The following NKAIN3 variants were observed in gnomAD, a reference collection of about 807,000 sequenced individuals.
NKAIN3 encodes the protein sodium/potassium transporting ATPase interacting 3, also known as sodium/potassium-transporting ATPase subunit beta-1-interacting protein 3.
Under a neutral mutation model 30.2 loss-of-function variants are expected in NKAIN3, and 25 were observed. The ratio of observed to expected loss-of-function variants is 0.83; its 90% CI spans 0.60 to 1.16. The LOEUF (loss-of-function observed/expected upper bound fraction) is 1.16, where lower values mean the gene tolerates loss of function less well. Among genes scored for constraint, NKAIN3 ranks in the 50% most tolerant of loss-of-function variants. The probability of loss-of-function intolerance (pLI) is 0.00; values close to 1 mark genes in which losing one functional copy is unlikely to be tolerated. For synonymous variants in NKAIN3, 91 were observed against 89.6 expected (o/e 1.02, Z -0.09); for missense variants, 225 against 254.1 (o/e 0.89, Z 0.78).
At chr8:62,753,238 G>A (rs897557228) in intron 4 of NKAIN3, among the ~76,000 whole-genome samples, 13 of 120,048 alleles carry the variant, frequency 1.1e-4, no homozygotes, top group South Asian at 2.7e-4. Flanking sequence ...ACACACGCAC[G>A]CACGCACAGT....
intron 4 of NKAIN3, among the ~76,000 whole-genome samples, chr8:62,838,678 T>C (rs939543025): frequency 6.6e-6 from 1 of 152,114 alleles, no homozygotes; most frequent in Non-Finnish European, 1.5e-5. Context: ...ACACAATTAT[T>C]AGGCATCAGC....
chr8:62,310,234 G>C (rs1478489238), intron 1 of NKAIN3, among the ~76,000 whole-genome samples: 3 of 150,386 alleles, frequency 2.0e-5, no homozygotes, highest in African/African-American at 2.5e-5. Flanking sequence ...GGACTTGAAG[G>C]CTTAAAGAAG....
intron 4 of NKAIN3, among the ~76,000 whole-genome samples, chr8:62,883,392 T>G (rs1821046435): frequency 6.6e-6 from 1 of 151,260 alleles, no homozygotes; most frequent in African/African-American, 2.4e-5. Flanking sequence ...GTGATTGACT[T>G]TTGTATGTTA....
intron 4 of NKAIN3, among the ~76,000 whole-genome samples, chr8:62,861,502 C>T (rs12548172): frequency 0.073 from 11,080 of 152,184 alleles, 713 homozygotes; most frequent in East Asian, 0.27. Flanking sequence ...AGCCCTGGTG[C>T]TTTTATCATC....
At chr8:62,646,139 A>G (rs1156646556) in intron 3 of NKAIN3, among the ~76,000 whole-genome samples, 7 of 105,110 alleles carry the variant, frequency 6.7e-5, no homozygotes, top group South Asian at 2.8e-4. Context: ...CTCATTCTGG[A>G]AAAAAAAAAA....
At chr8:62,270,374 G>C (rs916875054) in intron 1 of NKAIN3, among the ~76,000 whole-genome samples, 2 of 152,002 alleles carry the variant, frequency 1.3e-5, no homozygotes, top group Admixed American at 1.3e-4. Flanking sequence ...GAGCCCCTGG[G>C]CCCAGCCCAT....
intron 5 of NKAIN3, among the ~76,000 whole-genome samples, chr8:62,925,521 A>G (rs1260615869): frequency 1.3e-5 from 2 of 152,154 alleles, no homozygotes; most frequent in African/African-American, 4.8e-5. Flanking sequence ...TTTGCCAAAA[A>G]CTTGAGACCA....
chr8:62,385,874 A>G (rs1440558461), intron 1 of NKAIN3, among the ~76,000 whole-genome samples: 2 of 152,158 alleles, frequency 1.3e-5, no homozygotes, highest in African/African-American at 4.8e-5. Flanking sequence ...TATGTGTGAA[A>G]TGCATCTGTA....
chr8:62,726,992 G>C (rs2130532348), intron 3 of NKAIN3, among the ~76,000 whole-genome samples: 1 of 152,122 alleles, frequency 6.6e-6, no homozygotes, highest in Admixed American at 6.5e-5. Flanking sequence ...TGTGCAAAAA[G>C]AATTACATAC....
chr8:62,856,948 C>G, intron 4 of NKAIN3: 1 of 567,382 alleles, frequency 1.8e-6, no homozygotes, highest in Non-Finnish European at 3.4e-6. Context: ...AAACATAGCC[C>G]TGGAGGCATC....
intron 1 of NKAIN3, among the ~76,000 whole-genome samples, chr8:62,286,259 G>A (rs1484637381): frequency 6.6e-6 from 1 of 152,072 alleles, no homozygotes; most frequent in East Asian, 1.9e-4. Flanking sequence ...ACAAAACAGT[G>A]CATAACAACC....
chr8:62,274,396 G>A (rs1812869042), intron 1 of NKAIN3, among the ~76,000 whole-genome samples: 1 of 152,090 alleles, frequency 6.6e-6, no homozygotes, highest in African/African-American at 2.4e-5. Flanking sequence ...CTGTGAACCA[G>A]CTGTGATAAT....
intron 3 of NKAIN3, among the ~76,000 whole-genome samples, chr8:62,653,705 G>T (rs2130338870): frequency 6.6e-6 from 1 of 152,222 alleles, no homozygotes; most frequent in East Asian, 1.9e-4. Context: ...CAGAGGAAGA[G>T]ACTTTGCACC....
At chr8:62,677,459 G>T (rs1813512849) in intron 3 of NKAIN3, among the ~76,000 whole-genome samples, 1 of 152,206 alleles carries the variant, frequency 6.6e-6, no homozygotes, top group South Asian at 2.1e-4. Context: ...CTTGGAAAAG[G>T]ACCCCATTGA....
At chr8:62,743,441 G>T (rs1269220575) in intron 3 of NKAIN3, among the ~76,000 whole-genome samples, 2 of 152,156 alleles carry the variant, frequency 1.3e-5, no homozygotes, top group African/African-American at 4.8e-5. Flanking sequence ...CAAAAGAGAG[G>T]TTAACAAGAG....
chr8:62,873,964 C>G (rs1461233934), intron 4 of NKAIN3, among the ~76,000 whole-genome samples: 1 of 151,260 alleles, frequency 6.6e-6, no homozygotes, highest in Non-Finnish European at 1.5e-5. Context: ...AGCTAGCAGA[C>G]AACAATCAAT....
chr8:62,877,829 T>C (rs1472177686), intron 4 of NKAIN3, among the ~76,000 whole-genome samples: 1 of 151,936 alleles, frequency 6.6e-6, no homozygotes, highest in Non-Finnish European at 1.5e-5. Flanking sequence ...TCACCTGAGG[T>C]TCGGAGTTCA....
chr8:62,616,300 G>T (rs1811452443), intron 3 of NKAIN3, among the ~76,000 whole-genome samples: 1 of 151,986 alleles, frequency 6.6e-6, no homozygotes, highest in South Asian at 2.1e-4. Flanking sequence ...TACAAATGGG[G>T]TCTCCAGACT....
chr8:62,378,350 C>T (rs768126324), intron 1 of NKAIN3, among the ~76,000 whole-genome samples: 12 of 152,166 alleles, frequency 7.9e-5, no homozygotes, highest in Non-Finnish European at 1.5e-4. Flanking sequence ...GTAGAAAAGA[C>T]AAACCCATTT....
Sources: gnomAD v4.1 joint callset for allele counts (sites outside exome capture counted in the v4.1 genomes callset) on GRCh38, gnomAD v4.1.1 for gene constraint, MANE v1.5 for transcripts, NCBI Gene and HGNC (gene_info 2026-07-23, HGNC 2026-07-21) for gene names.